The following FAM81A variants were observed in gnomAD, a reference collection of about 807,000 sequenced individuals.
FAM81A encodes family with sequence similarity 81 member A, also known as protein FAM81A.
A neutral mutation model predicts 46.7 loss-of-function variants in FAM81A; 19 were observed. The ratio of observed to expected loss-of-function variants is 0.41; its 90% CI spans 0.28 to 0.60. The LOEUF is 0.60. Ranked by LOEUF, FAM81A falls within the 20% of genes least tolerant of loss-of-function variation. FAM81A has a pLI of 0.34. For missense variants in FAM81A, 377 were observed against 453.5 expected (o/e 0.83, Z 1.53); for synonymous variants, 183 against 152.9 (o/e 1.20, Z -1.45).
At chr15:59,474,055 C>T (rs2081733941) in intron 3 of FAM81A, among the ~76,000 whole-genome samples, 1 of 152,150 alleles carries the variant, frequency 6.6e-6, no homozygotes, top group African/African-American at 2.4e-5. Flanking sequence ...TTTAGGAAGC[C>T]CTCCTTGCCA....
At chr15:59,502,341 C>CA (rs146315023) in intron 4 of FAM81A, among the ~76,000 whole-genome samples, 3,136 of 152,092 alleles carry the variant, frequency 0.021, 119 homozygotes, top group African/African-American at 0.073. Flanking sequence ...GCTCCCCCCC[C>CA]AACAACAGTC....
At chr15:59,414,992 A>G (rs139634199) in intron 2 of FAM81A, among the ~76,000 whole-genome samples, 5,999 of 148,562 alleles carry the variant, frequency 0.04, 192 homozygotes, top group African/African-American at 0.087. Flanking sequence ...ATTTTTTTGT[A>G]TTTTTAGTAG....
upstream of FAM81A, among the ~76,000 whole-genome samples, chr15:59,436,225 T>C (rs1453601276): frequency 2.0e-5 from 3 of 151,750 alleles, no homozygotes; most frequent in African/African-American, 7.3e-5. Context: ...CCTTTGAGAG[T>C]GAGGGAGTCT....
intron 2 of FAM81A, among the ~76,000 whole-genome samples, chr15:59,418,249 C>T (rs2081155660): frequency 6.6e-6 from 1 of 152,142 alleles, no homozygotes. Context: ...AGTTGTGAGG[C>T]TGTGATGAGA....
rs74690621 is a variant in FAM81A, at chr15:59,408,006, T to C, written c.-78+5648T>C. The C allele has an allele frequency of 6.4e-3, 1,054 of 164,358 alleles. 15 individuals are homozygous for C. Among genetic ancestry groups the C allele is most frequent in the African/African-American group, 0.024 (997 of 41,708 alleles). The allele number at this position is 164,358 out of a possible 1,614,324, so 10.2% of individuals were successfully genotyped here. A position where few individuals can be genotyped will look rare whatever the true frequency, so the allele number is the denominator to read the frequency against. ...GGGCCATTTGACAAAGCAAGTGAGG[T>C]CCCTTTTGGGTTGGGTGTGCTGTCC... is the stretch of plus-strand genomic sequence containing the variant. On this transcript the variant is annotated intron_variant, in intron 2 of 4. Transcript: ENST00000558348.
intron 8 of FAM81A, among the ~76,000 whole-genome samples, chr15:59,519,207 T>TA (rs2082300407): frequency 1.3e-5 from 2 of 151,880 alleles, no homozygotes; most frequent in African/African-American, 4.8e-5. Flanking sequence ...TTTTTTTTTT[T>TA]AGACAGAGTC....
At chr15:59,488,526 G>C (rs2081945999) in intron 3 of FAM81A, among the ~76,000 whole-genome samples, 1 of 152,156 alleles carries the variant, frequency 6.6e-6, no homozygotes, top group Non-Finnish European at 1.5e-5. Flanking sequence ...AAAGCCTAAA[G>C]ACTCCACCAA....
chr15:59,440,366 A>C (rs1666488605), intron 1 of FAM81A, among the ~76,000 whole-genome samples: 1 of 152,218 alleles, frequency 6.6e-6, no homozygotes, highest in South Asian at 2.1e-4. Context: ...GAGAAGGAAC[A>C]GAACTCTCTG....
At chr15:59,428,833 G>A (rs1217914947) in intron 2 of FAM81A, among the ~76,000 whole-genome samples, 1 of 152,050 alleles carries the variant, frequency 6.6e-6, no homozygotes, top group East Asian at 1.9e-4. Context: ...GTTTTGCCAT[G>A]TTGGCCAGGC....
chr15:59,499,141 G>T (rs1039226470), intron 4 of FAM81A, among the ~76,000 whole-genome samples: 4 of 152,058 alleles, frequency 2.6e-5, no homozygotes, highest in Admixed American at 6.5e-5. Context: ...AATTGATAAG[G>T]TTTATTACAC....
intron 3 of FAM81A, among the ~76,000 whole-genome samples, chr15:59,465,055 A>G (rs1474496691): frequency 6.6e-6 from 1 of 152,190 alleles, no homozygotes; most frequent in East Asian, 1.9e-4. Context: ...TCCCAGCACC[A>G]TTTATTGAAG....
chr15:59,448,812 C>A (rs2081379918), intron 1 of FAM81A, among the ~76,000 whole-genome samples: 2 of 152,012 alleles, frequency 1.3e-5, no homozygotes. Context: ...CGCCACCATG[C>A]CTGGCTAATT....
intron 3 of FAM81A, among the ~76,000 whole-genome samples, chr15:59,465,521 T>C (rs1357789919): frequency 6.6e-6 from 1 of 152,080 alleles, no homozygotes; most frequent in African/African-American, 2.4e-5. Context: ...GATCCGCCCA[T>C]CTCGGCCTCC....
At chr15:59,485,546 A>C (rs2081907751) in intron 3 of FAM81A, among the ~76,000 whole-genome samples, 1 of 152,258 alleles carries the variant, frequency 6.6e-6, no homozygotes, top group Non-Finnish European at 1.5e-5. Context: ...TGCAAGAACT[A>C]CAGTGTTATT....
In FAM81A at chr15:59,517,721, A is replaced by C. The variant is rs541665905; in HGVS notation, c.982+881A>C. On this transcript the variant is annotated intron_variant, in intron 8 of 8. Coordinates refer to ENST00000288228, the MANE Select transcript of FAM81A (RefSeq NM_152450.3). ...TTATTATTTTATTTATAGGAGCTAC[A>C]ATTAAATATATGAATTGGAGAACTT... 5.3e-5 allele frequency among the ~76,000 whole-genome samples: 8 copies of C among 152,352 alleles called. No individual in the cohort carries two copies. In the South Asian group the frequency reaches 1.7e-3, roughly 32 times the overall value.
intron 3 of FAM81A, among the ~76,000 whole-genome samples, chr15:59,474,346 T>C (rs1313410241): frequency 6.6e-6 from 1 of 152,160 alleles, no homozygotes; most frequent in Non-Finnish European, 1.5e-5. Flanking sequence ...TTCTGGAGGC[T>C]GGGAAGTCCA....
intron 2 of FAM81A, among the ~76,000 whole-genome samples, chr15:59,402,737 A>G (rs1484309880): frequency 6.6e-6 from 1 of 151,206 alleles, no homozygotes; most frequent in Non-Finnish European, 1.5e-5. Context: ...GATATTTAGT[A>G]GAGATGGGGT....
intron 5 of FAM81A, among the ~76,000 whole-genome samples, chr15:59,508,083 A>T (rs1744759475): frequency 6.6e-6 from 1 of 152,250 alleles, no homozygotes; most frequent in Admixed American, 6.5e-5. Flanking sequence ...TACAGATATT[A>T]TAAAACTATG....
At chr15:59,493,843 C>T (rs1318114806) in intron 4 of FAM81A, among the ~76,000 whole-genome samples, 2 of 152,194 alleles carry the variant, frequency 1.3e-5, no homozygotes, top group African/African-American at 4.8e-5. Flanking sequence ...CCACCTCGGC[C>T]TCCAAGAGTG....
Sources: gnomAD v4.1 joint callset for allele counts (sites outside exome capture counted in the v4.1 genomes callset) on GRCh38, gnomAD v4.1.1 for gene constraint, MANE v1.5 for transcripts, NCBI Gene and HGNC (gene_info 2026-07-23, HGNC 2026-07-21) for gene names.